The following DGKI variants were observed in gnomAD, a reference collection of about 807,000 sequenced individuals.
DGKI encodes DAG kinase iota.
In DGKI, 55 loss-of-function variants were observed where a neutral mutation model predicts 147.5. The ratio of observed to expected loss-of-function variants is 0.37; its 90% CI spans 0.30 to 0.47. The LOEUF is 0.47. Ranked by LOEUF, DGKI falls within the 20% of genes least tolerant of loss-of-function variation. The pLI is 1.00. For missense variants in DGKI, 1,007 were observed against 1,323.8 expected (o/e 0.76, Z 3.71); for synonymous variants, 469 against 477.1 (o/e 0.98, Z 0.22).
At chr7:137,728,962 T>C (rs1293298154) in intron 1 of DGKI, among the ~76,000 whole-genome samples, 1 of 152,192 alleles carries the variant, frequency 6.6e-6, no homozygotes, top group Non-Finnish European at 1.5e-5. Flanking sequence ...TGATAGGCCA[T>C]CTGCCTGTAG....
chr7:137,569,717 A>T, intron 19 of DGKI, among the ~76,000 whole-genome samples: 1 of 110,506 alleles, frequency 9.0e-6, no homozygotes, highest in African/African-American at 3.6e-5. Context: ...CAACAGAGTG[A>T]GACTCTGTCT....
intron 6 of DGKI, among the ~76,000 whole-genome samples, chr7:137,644,576 T>C (rs1821762703): frequency 6.6e-6 from 1 of 152,220 alleles, no homozygotes; most frequent in Admixed American, 6.5e-5. Flanking sequence ...ACACCAATGC[T>C]TGACCCAAAG....
intron 6 of DGKI, among the ~76,000 whole-genome samples, chr7:137,634,924 TG>T (rs1821258130): frequency 1.3e-5 from 2 of 152,134 alleles, no homozygotes; most frequent in Non-Finnish European, 2.9e-5. Flanking sequence ...AAAAGATAGG[TG>T]GCTTGACATA....
At chr7:137,576,638 A>C (rs1216419268) in intron 17 of DGKI, among the ~76,000 whole-genome samples, 2 of 152,142 alleles carry the variant, frequency 1.3e-5, no homozygotes, top group Admixed American at 6.5e-5. Context: ...CCGCAACCTG[A>C]TATAGAGACC....
At chr7:137,660,570 C>T (rs1207430251) in intron 3 of DGKI, among the ~76,000 whole-genome samples, 2 of 152,124 alleles carry the variant, frequency 1.3e-5, no homozygotes, top group African/African-American at 2.4e-5. Flanking sequence ...AGGACAGAGG[C>T]ATCAGTGGCA....
rs1183094639 is a variant in DGKI, at chr7:137,427,338, T to C, written c.2762-15131A>G. ...GGAAACGAAGGCAGAAATAAAGATG[T>C]TCTATGAAAGCAACGAGAACAAAGA... On this transcript the variant is annotated intron_variant, in intron 28 of 32. Transcript: ENST00000614521. Among the ~76,000 whole-genome samples, 3 of 152,162 alleles carry C rather than the reference T, an allele frequency of 2.0e-5. No individual in the cohort carries two copies. The East Asian group carries it at 5.8e-4, about 29-fold the overall frequency.
rs900829607 is a variant in DGKI at position 137,435,825 on chromosome 7, G to T, written c.2761+8252C>A. ...GACAGAGTCTTGCTCTGTAGCCCAG[G>T]CTAGAGTACAGTGGCACGATCTCGG... On this transcript the variant is annotated intron_variant, in intron 28 of 32. Transcript: ENST00000614521. 4.6e-5 allele frequency among the ~76,000 whole-genome samples: 7 copies of T among 152,308 alleles called. No homozygotes were observed. In the East Asian group the frequency reaches 1.3e-3, roughly 29 times the overall value.
intron 3 of DGKI, among the ~76,000 whole-genome samples, chr7:137,656,937 G>C (rs909894938): frequency 2.0e-5 from 3 of 152,164 alleles, no homozygotes; most frequent in Admixed American, 2.0e-4. Context: ...AGTAGCTAAG[G>C]GGCAAGACCA....
intron 20 of DGKI, among the ~76,000 whole-genome samples, chr7:137,549,744 T>G (rs1007387836): frequency 1.3e-5 from 2 of 152,206 alleles, no homozygotes; most frequent in Non-Finnish European, 2.9e-5. Flanking sequence ...AGGCTGACCT[T>G]GAACTTGAAA....
chr7:137,437,373 C>T (rs1386107031), intron 28 of DGKI, among the ~76,000 whole-genome samples: 5 of 152,052 alleles, frequency 3.3e-5, no homozygotes, highest in African/African-American at 1.2e-4. Context: ...ACTTAGAAAA[C>T]ATAATTTTAA....
chr7:137,743,530 CTT>C (rs1795239285), intron 1 of DGKI, among the ~76,000 whole-genome samples: 2 of 152,124 alleles, frequency 1.3e-5, no homozygotes, highest in Admixed American at 1.3e-4. Flanking sequence ...ACATGAATGA[CTT>C]TTGGGTAAAC....
chr7:137,528,350 T>C (rs1445005580), intron 20 of DGKI, among the ~76,000 whole-genome samples: 1 of 152,220 alleles, frequency 6.6e-6, no homozygotes, highest in Non-Finnish European at 1.5e-5. Context: ...AAACCTTTTC[T>C]GAACTACCTG....
chr7:137,510,771 T>A (rs980751164), intron 21 of DGKI, among the ~76,000 whole-genome samples: 2 of 152,172 alleles, frequency 1.3e-5, no homozygotes, highest in South Asian at 4.1e-4. Context: ...ATTAGATACA[T>A]GTGAAGAATT....
At chr7:137,416,675 T>C (rs1337229895) in intron 28 of DGKI, among the ~76,000 whole-genome samples, 1 of 152,138 alleles carries the variant, frequency 6.6e-6, no homozygotes, top group Admixed American at 6.5e-5. Flanking sequence ...CTTCCCCCCC[T>C]CTGGAAACAG....
At chr7:137,522,810 C>T (rs991374297) in intron 20 of DGKI, among the ~76,000 whole-genome samples, 3 of 152,076 alleles carry the variant, frequency 2.0e-5, no homozygotes, top group African/African-American at 4.8e-5. Context: ...ATCACCACCA[C>T]GATGGGTCAA....
chr7:137,652,996 T>C (rs1442713200), intron 5 of DGKI, among the ~76,000 whole-genome samples: 1 of 152,206 alleles, frequency 6.6e-6, no homozygotes, highest in Admixed American at 6.5e-5. Context: ...CATCTCCAGT[T>C]GAGGACAACA....
At chr7:137,620,335 A>T (rs551567290) in intron 7 of DGKI, among the ~76,000 whole-genome samples, 1 of 152,204 alleles carries the variant, frequency 6.6e-6, no homozygotes, top group Non-Finnish European at 1.5e-5. Flanking sequence ...CAAAATGTTC[A>T]CATACACTTC....
intron 30 of DGKI, among the ~76,000 whole-genome samples, chr7:137,397,955 T>C (rs1811612803): frequency 6.6e-6 from 1 of 152,240 alleles, no homozygotes; most frequent in African/African-American, 2.4e-5. Flanking sequence ...AAATATTCTG[T>C]GAATTTTCCC....
chr7:137,743,989 GA>G (rs59924694), intron 1 of DGKI, among the ~76,000 whole-genome samples: 49 of 125,030 alleles, frequency 3.9e-4, no homozygotes, highest in South Asian at 7.6e-4. Context: ...TCTCAAAAAA[GA>G]AAAAAAAAAA....
Sources: gnomAD v4.1 joint callset for allele counts (sites outside exome capture counted in the v4.1 genomes callset) on GRCh38, gnomAD v4.1.1 for gene constraint, MANE v1.5 for transcripts, NCBI Gene and HGNC (gene_info 2026-07-23, HGNC 2026-07-21) for gene names.